The following CDH7 variants were observed in gnomAD, a reference collection of about 807,000 sequenced individuals.
CDH7 encodes the protein cadherin-7.
In CDH7, 25 loss-of-function variants were observed where a neutral mutation model predicts 71.8. That is an observed-to-expected ratio of 0.35 (90% CI 0.25 to 0.49). CDH7 has a LOEUF of 0.49. CDH7 is among the 20% of genes least tolerant of loss of function. CDH7 has a pLI of 0.99. For missense variants in CDH7, 862 were observed against 974.6 expected, an observed-to-expected ratio of 0.88 and a Z score of 1.54; for synonymous variants, 381 against 363.8, an observed-to-expected ratio of 1.05 and a Z score of -0.54.
At chr18:65,769,913 G>A (rs1916493016) in intron 2 of CDH7, among the ~76,000 whole-genome samples, 1 of 152,090 alleles carries the variant, frequency 6.6e-6, no homozygotes, top group Non-Finnish European at 1.5e-5. Context: ...TGATCCCTTG[G>A]TTAAGGTGGT....
chr18:65,794,125 CAGGAT>C (rs995637763), intron 2 of CDH7, among the ~76,000 whole-genome samples: 22 of 151,872 alleles, frequency 1.4e-4, no homozygotes, highest in African/African-American at 5.3e-4. Flanking sequence ...CTTGCAAAAT[CAGGAT>C]ACTTGTTATG....
In CDH7 at chr18:65,862,849, A is replaced by C. The variant is rs1913622982; in HGVS notation, c.1796A>C (p.Tyr599Ser). 6.2e-7 allele frequency: 1 copy of C among 1,613,946 alleles called. No homozygotes were observed. Among genetic ancestry groups the C allele is most frequent in the African/African-American group, 1.3e-5 (1 of 74,922 alleles). Reference protein sequence around the residue: ...GVAQTCNAEAYVLPAGLSTGA... With the variant: ...GVAQTCNAEASVLPAGLSTGA... The stretch of plus-strand genomic sequence containing the variant: ...GCCCAGACCTGCAATGCAGAGGCCT[A>C]TGTCCTACCTGCTGGCCTCAGTACA... Residue 599 changes from tyrosine to serine, a missense_variant, in exon 11 of 12, where the codon TAT becomes TCT. Physicochemically the swap from Tyr to Ser is moderately radical, Grantham distance 144. Transcript: ENST00000397968.
intron 2 of CDH7, among the ~76,000 whole-genome samples, chr18:65,786,634 C>A (rs1158756537): frequency 6.6e-6 from 1 of 152,114 alleles, no homozygotes; most frequent in Non-Finnish European, 1.5e-5. Context: ...ACGCTGATAA[C>A]TCTCTGAGTC....
intron 2 of CDH7, among the ~76,000 whole-genome samples, chr18:65,772,555 G>C (rs1396612030): frequency 6.6e-6 from 1 of 152,094 alleles, no homozygotes; most frequent in Non-Finnish European, 1.5e-5. Flanking sequence ...GCCATCAACA[G>C]TTAAAAATGA....
intron 11 of CDH7, among the ~76,000 whole-genome samples, chr18:65,875,639 C>T (rs549801872): frequency 4.6e-5 from 7 of 152,254 alleles, no homozygotes; most frequent in East Asian, 1.9e-4. Flanking sequence ...GTAATGCTAA[C>T]GCTTTGGAAG....
chr18:65,876,067 T>C (rs1384633238), intron 11 of CDH7, among the ~76,000 whole-genome samples: 1 of 152,242 alleles, frequency 6.6e-6, no homozygotes, highest in Non-Finnish European at 1.5e-5. Context: ...TGCATATTTC[T>C]CTGCGCCTGT....
rs558159396 is a variant in CDH7, at chr18:65,764,458, C to T, written c.210+1406C>T. ...TTTATAGCCATTCTACCAGTAACAC[C>T]GTCATATTTACTGTACATATATATG... is the stretch of plus-strand genomic sequence containing the variant. On this transcript the variant is annotated intron_variant, in intron 2 of 11. Coordinates refer to ENST00000397968, the MANE Select transcript of CDH7 (RefSeq NM_004361.5). Among the ~76,000 whole-genome samples the T allele has an allele frequency of 3.9e-5, 6 of 151,974 alleles. No homozygotes were observed. In the East Asian group the frequency reaches 1.2e-3, roughly 29 times the overall value.
rs1914389608 is a variant in CDH7, at chr18:65,887,032, A to G, written c.*6138A>G. On this transcript the variant is annotated 3_prime_UTR_variant, in exon 12 of 12. Transcript: ENST00000397968. ...CAAATATATTAATAACTATGTAACTAATGAGAATGTTGAAAGTACAGCATA... is the reference window on the plus strand; with the variant it reads ...CAAATATATTAATAACTATGTAACTGATGAGAATGTTGAAAGTACAGCATA... 1 of 152,176 alleles carries G rather than the reference A, an allele frequency of 6.6e-6. No individual in the cohort carries two copies. The highest frequency in any genetic ancestry group is 1.5e-5 in the Non-Finnish European group (1 of 68,020). The allele number at this position is 152,176 out of a possible 1,614,324, so 9.4% of individuals were successfully genotyped here.
intron 6 of CDH7, among the ~76,000 whole-genome samples, chr18:65,834,621 G>T (rs1293154502): frequency 1.3e-5 from 2 of 152,182 alleles, no homozygotes; most frequent in Admixed American, 6.5e-5. Context: ...AGAAGAAATT[G>T]CATATGTTAT....
At chr18:65,797,469 A>G (rs965582662) in intron 2 of CDH7, among the ~76,000 whole-genome samples, 1 of 152,204 alleles carries the variant, frequency 6.6e-6, no homozygotes, top group East Asian at 1.9e-4. Flanking sequence ...TGAGTCCCCA[A>G]GAGGGCTTAG....
In CDH7 at chr18:65,890,143, T is replaced by G. The variant is rs992517755; in HGVS notation, c.*9249T>G. 6.6e-6 allele frequency: 1 copy of G among 152,140 alleles called. No homozygotes were observed. The highest frequency in any genetic ancestry group is 1.5e-5 in the Non-Finnish European group (1 of 68,028). The allele number at this position is 152,140 out of a possible 1,614,324, so 9.4% of individuals were successfully genotyped here. ...GAAGCCTCCTATGCCACTATCTTTA[T>G]AGGAAGCTTTACCGACTTTGTACGA... On this transcript the variant is annotated 3_prime_UTR_variant, in exon 12 of 12. Coordinates refer to ENST00000397968, the MANE Select transcript of CDH7 (RefSeq NM_004361.5).
intron 11 of CDH7, among the ~76,000 whole-genome samples, chr18:65,874,617 C>T (rs866398579): frequency 2.6e-5 from 4 of 152,002 alleles, no homozygotes; most frequent in Non-Finnish European, 5.9e-5. Flanking sequence ...GACTTCACCA[C>T]TGCAAGATAA....
At position 65,782,021 on chromosome 18, in the gene CDH7, T is replaced by C. The variant is rs1335181534; in HGVS notation, c.210+18969T>C. 5.9e-4 allele frequency among the ~76,000 whole-genome samples: 49 copies of C among 83,486 alleles called. 10 individuals are homozygous for C. Among genetic ancestry groups the C allele is most frequent in the African/African-American group, 7.9e-4 (10 of 12,654 alleles). 54.8% of individuals were successfully genotyped at this position (83,486 alleles called of 152,430 possible). A position where few individuals can be genotyped will look rare whatever the true frequency, so the allele number is the denominator to read the frequency against. ...TTCTCTCTTTCTCTCTTTCTCTCTC[T>C]CTTTCTCCCTTCCTTCCTTCCTTCC... On this transcript the variant is annotated intron_variant, in intron 2 of 11. Coordinates refer to ENST00000397968, the MANE Select transcript of CDH7 (RefSeq NM_004361.5).
rs767806653 is a variant in CDH7, at chr18:65,822,268, G to A, written c.793+20G>A. The A allele has an allele frequency of 7.4e-5, 118 of 1,590,282 alleles. No homozygotes were observed. Among genetic ancestry groups the A allele is most frequent in the Non-Finnish European group, 9.5e-5 (110 of 1,161,266 alleles). On this transcript the variant is annotated intron_variant, in intron 5 of 11. Coordinates refer to ENST00000397968, the MANE Select transcript of CDH7 (RefSeq NM_004361.5). ...CTCGAAGTAAGTTGTTTTCTTAAGT[G>A]ACACAAGTGCAATAACTTTCCCTGA... is the stretch of plus-strand genomic sequence containing the variant.
chr18:65,811,750 T>C (rs1292395142), intron 3 of CDH7, among the ~76,000 whole-genome samples: 2 of 152,180 alleles, frequency 1.3e-5, no homozygotes, highest in African/African-American at 4.8e-5. Context: ...TTCATTGGCT[T>C]GCTAAGGTTT....
At position 65,862,826 on chromosome 18, in the gene CDH7, C is replaced by T. The variant is rs1435247866; in HGVS notation, c.1773C>T (p.Ala591=). ...RVCDCDADGV[A]QTCNAEAYVL... is the part of the protein sequence containing the mutation. ...GTGACTGTGATGCTGACGGCGTAGC[C>T]CAGACCTGCAATGCAGAGGCCTATG... The change falls in exon 11 of 12, where the codon GCC becomes GCT. Residue 591 remains alanine, a synonymous_variant. Transcript: ENST00000397968. 7.4e-6 allele frequency: 12 copies of T among 1,614,002 alleles called. No homozygotes were observed. The highest frequency in any genetic ancestry group is 9.3e-6 in the Non-Finnish European group (11 of 1,179,998).
intron 6 of CDH7, among the ~76,000 whole-genome samples, chr18:65,832,196 C>T (rs529235537): frequency 8.4e-4 from 90 of 107,398 alleles, no homozygotes; most frequent in African/African-American, 2.5e-3. Context: ...GGTCCATATC[C>T]TTTTCATAAA....
chr18:65,836,350 A>G (rs1195436722), intron 6 of CDH7, among the ~76,000 whole-genome samples: 1 of 152,134 alleles, frequency 6.6e-6, no homozygotes, highest in Admixed American at 6.5e-5. Context: ...TATGAATAAG[A>G]ATCTGGATAG....
chr18:65,830,656 T>C (rs1307471375), intron 6 of CDH7, among the ~76,000 whole-genome samples: 2 of 104,370 alleles, frequency 1.9e-5, no homozygotes, highest in African/African-American at 5.3e-5. Flanking sequence ...TTCCTGTCTT[T>C]CTCTCTCTCT....
Sources: gnomAD v4.1 joint callset for allele counts (sites outside exome capture counted in the v4.1 genomes callset) on GRCh38, gnomAD v4.1.1 for gene constraint, MANE v1.5 for transcripts, NCBI Gene and HGNC (gene_info 2026-07-23, HGNC 2026-07-21) for gene names.